The following NCAM2 variants were observed in gnomAD, a reference collection of about 807,000 sequenced individuals.
NCAM2 encodes the protein neural cell adhesion molecule 2, also known as N-CAM-2.
In NCAM2, 30 loss-of-function variants were observed where a neutral mutation model predicts 98.1. The ratio of observed to expected loss-of-function variants is 0.31; its 90% CI spans 0.23 to 0.41. The LOEUF is 0.41. NCAM2 is among the 10% of genes least tolerant of loss of function. NCAM2 has a pLI of 1.00. For synonymous variants in NCAM2, 368 were observed against 342.4 expected (o/e 1.07, Z -0.83); for missense variants, 867 against 1,005.8 (o/e 0.86, Z 1.87).
intron 1 of NCAM2, among the ~76,000 whole-genome samples, chr21:21,246,159 T>C (rs969613474): frequency 2.0e-5 from 3 of 152,138 alleles, no homozygotes; most frequent in African/African-American, 7.2e-5. Context: ...GCCATGCCAC[T>C]CAACCAGCCC....
Position 21,087,607 on chromosome 21 carries a change from G to A in NCAM2, c.55+88989G>A, listed in dbSNP as rs1486783553. Among the ~76,000 whole-genome samples the A allele has an allele frequency of 3.3e-5, 5 of 152,136 alleles. No homozygotes were observed. In the East Asian group the frequency reaches 5.8e-4, roughly 18 times the overall value. On this transcript the variant is annotated intron_variant, in intron 1 of 17. Transcript: ENST00000400546. ...TGTAATTAGTCCCTTTGTAAATAAGGTGTTATCTTAATTTGAGTGTGCCAT... is the reference window on the plus strand; with the variant it reads ...TGTAATTAGTCCCTTTGTAAATAAGATGTTATCTTAATTTGAGTGTGCCAT...
intron 8 of NCAM2, among the ~76,000 whole-genome samples, chr21:21,342,976 G>A (rs1215895869): frequency 2.6e-5 from 4 of 152,172 alleles, no homozygotes; most frequent in African/African-American, 9.7e-5. Context: ...CATAGTGCAT[G>A]CCCGTGCAAG....
intron 8 of NCAM2, among the ~76,000 whole-genome samples, chr21:21,370,285 G>T (rs1315005228): frequency 6.6e-6 from 1 of 151,690 alleles, no homozygotes; most frequent in Non-Finnish European, 1.5e-5. Context: ...CAAGGGCTTT[G>T]CTTTCTTACC....
At chr21:21,089,870 A>G (rs1569011483) in intron 1 of NCAM2, among the ~76,000 whole-genome samples, 1 of 152,208 alleles carries the variant, frequency 6.6e-6, no homozygotes, top group Non-Finnish European at 1.5e-5. Context: ...TTCCTGGTTT[A>G]AAAATGGCCA....
At chr21:21,096,789 A>G (rs1379847957) in intron 1 of NCAM2, among the ~76,000 whole-genome samples, 3 of 151,526 alleles carry the variant, frequency 2.0e-5, no homozygotes, top group Admixed American at 1.3e-4. Context: ...TGGAATGTTT[A>G]CGTCTTTATT....
chr21:21,057,078 A>G (rs1211752587), intron 1 of NCAM2, among the ~76,000 whole-genome samples: 2 of 152,096 alleles, frequency 1.3e-5, no homozygotes, highest in African/African-American at 4.8e-5. Context: ...TAAAGAGGCT[A>G]ACCACTATAG....
At chr21:21,018,005 A>G (rs1052026736) in intron 1 of NCAM2, among the ~76,000 whole-genome samples, 3 of 152,110 alleles carry the variant, frequency 2.0e-5, no homozygotes, top group Admixed American at 1.3e-4. Context: ...CATTAGTTTC[A>G]TTAGTACTGA....
chr21:21,312,918 G>C (rs900266268), intron 5 of NCAM2, among the ~76,000 whole-genome samples: 1 of 151,328 alleles, frequency 6.6e-6, no homozygotes, highest in African/African-American at 2.4e-5. Context: ...ATAATTATAG[G>C]ATTGTTTTTG....
chr21:21,185,930 A>G (rs2146938209), intron 1 of NCAM2, among the ~76,000 whole-genome samples: 1 of 152,318 alleles, frequency 6.6e-6, no homozygotes, highest in East Asian at 1.9e-4. Flanking sequence ...AACATTTTAG[A>G]AGACAGGATC....
chr21:21,054,768 T>G (rs2065180819), intron 1 of NCAM2, among the ~76,000 whole-genome samples: 1 of 152,088 alleles, frequency 6.6e-6, no homozygotes, highest in Non-Finnish European at 1.5e-5. Flanking sequence ...AAGAGAACTA[T>G]GAGTATAGGA....
intron 1 of NCAM2, among the ~76,000 whole-genome samples, chr21:21,099,847 T>C (rs781146361): frequency 1.3e-5 from 2 of 151,966 alleles, no homozygotes; most frequent in Non-Finnish European, 2.9e-5. Context: ...TGTTATGTCA[T>C]CTTTACTTCT....
At chr21:21,074,270 G>C (rs1436173898) in intron 1 of NCAM2, among the ~76,000 whole-genome samples, 1 of 151,504 alleles carries the variant, frequency 6.6e-6, no homozygotes, top group Non-Finnish European at 1.5e-5. Flanking sequence ...CGATTTTGAT[G>C]AATATAAAAT....
At chr21:21,002,429 A>G (rs1601055749) in intron 1 of NCAM2, among the ~76,000 whole-genome samples, 1 of 152,168 alleles carries the variant, frequency 6.6e-6, no homozygotes, top group African/African-American at 2.4e-5. Flanking sequence ...GCCTTCTTTC[A>G]AAAATAGGAC....
intron 12 of NCAM2, among the ~76,000 whole-genome samples, chr21:21,465,948 T>C (rs1378933471): frequency 6.6e-6 from 1 of 152,080 alleles, no homozygotes; most frequent in Non-Finnish European, 1.5e-5. Flanking sequence ...CAGATATTTC[T>C]AGTAACCTTT....
chr21:21,049,698 C>G (rs2065068273), intron 1 of NCAM2, among the ~76,000 whole-genome samples: 1 of 151,816 alleles, frequency 6.6e-6, no homozygotes, highest in Admixed American at 6.6e-5. Flanking sequence ...ATGGAGAAAC[C>G]CTGTCTCTAC....
chr21:21,029,797 A>T (rs2064636785), intron 1 of NCAM2, among the ~76,000 whole-genome samples: 1 of 151,488 alleles, frequency 6.6e-6, no homozygotes, highest in Non-Finnish European at 1.5e-5. Context: ...TGCCCAGCTA[A>T]TTTTTTGTAT....
At chr21:21,393,829 A>C (rs779480193) in intron 9 of NCAM2, among the ~76,000 whole-genome samples, 22 of 152,198 alleles carry the variant, frequency 1.4e-4, no homozygotes, top group Non-Finnish European at 3.1e-4. Flanking sequence ...ATAGAAGACA[A>C]ATTAGCCATT....
chr21:21,058,462 G>A (rs1037046391), intron 1 of NCAM2, among the ~76,000 whole-genome samples: 2 of 152,004 alleles, frequency 1.3e-5, no homozygotes, highest in Admixed American at 6.6e-5. Flanking sequence ...GTGTTAATTT[G>A]TGTTAAAGAT....
chr21:21,319,389 T>G (rs2074311908), intron 5 of NCAM2, among the ~76,000 whole-genome samples: 2 of 152,330 alleles, frequency 1.3e-5, no homozygotes, highest in South Asian at 4.1e-4. Context: ...ACGCCTGTAA[T>G]CCCAGCACTT....
Sources: allele counts gnomAD v4.1 joint callset (sites outside exome capture counted in the v4.1 genomes callset), GRCh38; gene constraint gnomAD v4.1.1; transcripts MANE v1.5; gene names NCBI Gene and HGNC (gene_info 2026-07-23, HGNC 2026-07-21).